The following TMEM230 variants were observed in gnomAD, a reference collection of about 807,000 sequenced individuals.
TMEM230 encodes the protein UPF0414 transmembrane protein C20orf30.
In TMEM230, 10 loss-of-function variants were observed where a neutral mutation model predicts 15.8. The ratio of observed to expected loss-of-function variants is 0.63; its 90% CI spans 0.39 to 1.07. TMEM230 has a LOEUF of 1.07. Ranked by LOEUF, TMEM230 falls within the 50% of genes least tolerant of loss-of-function variation. The probability of loss-of-function intolerance (pLI) is 0.01; values close to 1 mark genes in which losing one functional copy is unlikely to be tolerated. For synonymous variants in TMEM230, 67 were observed against 76.9 expected (o/e 0.87, Z 0.68); for missense variants, 165 against 193.3 (o/e 0.85, Z 0.87).
downstream of TMEM230, among the ~76,000 whole-genome samples, chr20:5,094,965 G>A (rs1238288759): frequency 6.6e-6 from 1 of 152,102 alleles, no homozygotes; most frequent in African/African-American, 2.4e-5. Flanking sequence ...TACGGGCAAA[G>A]GGGCACTGCT....
chr20:5,074,636 A>G (rs996674104), intron 3 of TMEM230, among the ~76,000 whole-genome samples: 1 of 141,006 alleles, frequency 7.1e-6, no homozygotes, highest in East Asian at 1.9e-4. Context: ...AGGCCCAGCT[A>G]TAGAATTTAA....
At chr20:5,092,674 C>T (rs2089545154) in intron 3 of TMEM230, among the ~76,000 whole-genome samples, 1 of 146,186 alleles carries the variant, frequency 6.8e-6, no homozygotes, top group Non-Finnish European at 1.5e-5. Context: ...GAGATCGCAC[C>T]ATTGTACTCC....
At chr20:5,099,552 G>A (rs2089775377), downstream of TMEM230, among the ~76,000 whole-genome samples, 1 of 151,762 alleles carries the variant, frequency 6.6e-6, no homozygotes, top group Non-Finnish European at 1.5e-5. Context: ...CTGTCCAAAT[G>A]CTGACTCCCA....
At chr20:5,073,365 T>G (rs771149682) in intron 3 of TMEM230, among the ~76,000 whole-genome samples, 10 of 152,320 alleles carry the variant, frequency 6.6e-5, no homozygotes, top group South Asian at 4.1e-4. Context: ...TGAAGCAGCC[T>G]GGAGGTTCTG....
At chr20:5,110,630 C>T (rs942069258) in intron 2 of TMEM230, among the ~76,000 whole-genome samples, 1 of 152,158 alleles carries the variant, frequency 6.6e-6, no homozygotes, top group Admixed American at 6.5e-5. Context: ...CAGAAGCGCC[C>T]ACCTCTCTGT....
chr20:5,068,956 C>A (rs186121060), exon 4 of TMEM230: 5 of 483,752 alleles, frequency 1.0e-5, no homozygotes, highest in Non-Finnish European at 1.9e-5. Flanking sequence ...GAGTGGTCTG[C>A]GCCATTCTCA....
At chr20:5,063,117 GT>G in the TMEM230 span, among the ~76,000 whole-genome samples, 1 of 151,858 alleles carries the variant, frequency 6.6e-6, no homozygotes, top group African/African-American at 2.4e-5. Context: ...ACTTAGAGCA[GT>G]TTTTCCTATC....
At chr20:5,077,702 C>G (rs1362900039) in intron 3 of TMEM230, among the ~76,000 whole-genome samples, 1 of 151,998 alleles carries the variant, frequency 6.6e-6, no homozygotes, top group Admixed American at 6.6e-5. Context: ...GGTGTGGTGG[C>G]AGGCGCCTGT....
In TMEM230 at chr20:5,113,021, G is replaced by A. The variant is rs1284002570; in HGVS notation, c.8C>T (p.Pro3Leu). The change falls in exon 1 of 5, where the codon CCT becomes CTT. Residue 3 changes from proline to leucine, a missense_variant. By Grantham distance (98) the Pro-to-Leu change is moderately conservative (BLOSUM62 -3). Transcript: ENST00000342308. ...CTCGCCCACGGTTGGCAGCGCCCAAGGTTGCATGGCATGGCCCGCTTAAGT... is the reference window on the plus strand; with the variant it reads ...CTCGCCCACGGTTGGCAGCGCCCAAAGTTGCATGGCATGGCCCGCTTAAGT... 2 of 1,548,602 alleles carry A rather than the reference G, an allele frequency of 1.3e-6. No homozygotes were observed. Among genetic ancestry groups the A allele is most frequent in the South Asian group, 1.2e-5 (1 of 84,076 alleles).
chr20:5,072,521 G>A (rs768688661), intron 3 of TMEM230, among the ~76,000 whole-genome samples: 2 of 151,952 alleles, frequency 1.3e-5, no homozygotes, highest in African/African-American at 2.4e-5. Flanking sequence ...TTTTGGCCGT[G>A]AGACTATAAG....
chr20:5,100,956 A>G (rs372270893), intron 4 of TMEM230, 25 bp from the exon 4 acceptor site: 19 of 1,613,282 alleles, frequency 1.2e-5, no homozygotes, highest in Non-Finnish European at 1.6e-5. Context: ...AGGCAAACAC[A>G]TTAGTACCGT....
intron 3 of TMEM230, among the ~76,000 whole-genome samples, chr20:5,078,863 C>T (rs1568483225): frequency 6.6e-6 from 1 of 151,858 alleles, no homozygotes. Flanking sequence ...GATCATGGTT[C>T]CCTGCAGCCT....
intron 3 of TMEM230, among the ~76,000 whole-genome samples, chr20:5,079,426 T>C (rs538041323): frequency 6.6e-6 from 1 of 152,360 alleles, no homozygotes; most frequent in African/African-American, 2.4e-5. Flanking sequence ...TTCTATGTGA[T>C]TTTGATTAGA....
chr20:5,087,477 A>G (rs2089376332), intron 3 of TMEM230, among the ~76,000 whole-genome samples: 1 of 148,902 alleles, frequency 6.7e-6, no homozygotes, highest in Non-Finnish European at 1.5e-5. Context: ...AGGGGATGGG[A>G]GTAAGGAAGG....
chr20:5,112,611 G>A (rs1293628516), intron 1 of TMEM230: 1 of 1,073,482 alleles, frequency 9.3e-7, no homozygotes, highest in East Asian at 4.3e-5. Context: ...GTTGCCAACA[G>A]GCTTTTTACC....
At chr20:5,071,896 C>T (rs987456041) in intron 3 of TMEM230, among the ~76,000 whole-genome samples, 2 of 151,860 alleles carry the variant, frequency 1.3e-5, no homozygotes, top group Non-Finnish European at 2.9e-5. Context: ...TGTGCCACCA[C>T]GCTGCCACCA....
the TMEM230 span, among the ~76,000 whole-genome samples, chr20:5,060,332 C>CTTTTT: frequency 1.2e-4 from 12 of 102,930 alleles, no homozygotes; most frequent in East Asian, 2.7e-4. Flanking sequence ...AGTGTATTGT[C>CTTTTT]TTTTTTTTTT....
chr20:5,090,422 C>A (rs772691891), intron 3 of TMEM230, among the ~76,000 whole-genome samples: 1 of 152,098 alleles, frequency 6.6e-6, no homozygotes, highest in Non-Finnish European at 1.5e-5. Flanking sequence ...ACGCAGGAAG[C>A]CAGAAGGCAC....
intron 1 of TMEM230, 170 bp downstream of exon 1, chr20:5,112,791 A>G: frequency 6.7e-7 from 1 of 1,493,084 alleles, no homozygotes; most frequent in Non-Finnish European, 8.9e-7. Flanking sequence ...ACGCGAATTT[A>G]GACGTAAAAC....
Sources: gnomAD v4.1 joint callset for allele counts (sites outside exome capture counted in the v4.1 genomes callset) on GRCh38, gnomAD v4.1.1 for gene constraint, MANE v1.5 for transcripts, NCBI Gene and HGNC (gene_info 2026-07-23, HGNC 2026-07-21) for gene names.